CEP131: variants seen among roughly 807,000 people sequenced by gnomAD.
The protein encoded by CEP131 is centrosomal protein of 131 kDa.
Under a neutral mutation model 136.8 loss-of-function variants are expected in CEP131, and 99 were observed. The ratio of observed to expected loss-of-function variants is 0.72; its 90% confidence interval spans 0.62 to 0.86. The LOEUF (loss-of-function observed/expected upper bound fraction) is 0.86, where lower values mean the gene tolerates loss of function less well. Among genes scored for constraint, CEP131 ranks in the 40% least tolerant of loss-of-function variants. The pLI is 0.00. For missense variants in CEP131, 1,459 were observed against 1,463.0 expected (o/e 1.00, Z 0.04); for synonymous variants, 646 against 612.7 (o/e 1.05, Z -0.80).
intron 18 of CEP131, among the ~76,000 whole-genome samples, chr17:81,193,642 T>A (rs577769260): frequency 6.6e-6 from 1 of 152,148 alleles, no homozygotes; most frequent in East Asian, 1.9e-4. Flanking sequence ...AAAGAGTGGA[T>A]GTCTGGTGGG....
chr17:81,194,451 C>T (rs1227324780), intron 17 of CEP131, among the ~76,000 whole-genome samples: 2 of 152,204 alleles, frequency 1.3e-5, no homozygotes, highest in African/African-American at 2.4e-5. Flanking sequence ...CCCAAGGGTC[C>T]GAGGCCCCTT....
In CEP131 at chr17:81,206,740, G is replaced by C. The variant is rs368709988; in HGVS notation, c.515+4C>G. ...CCCGTCGTGGGCACCTGCACAGGTC[G>C]TACCTGTTGTTAGCAGTGAAGTTGG... is the stretch of plus-strand genomic sequence containing the variant. On this transcript the variant is annotated splice_donor_region_variant and intron_variant, in intron 5 of 25. Coordinates refer to ENST00000450824, the MANE Select transcript of CEP131 (RefSeq NM_014984.4). 35 of 1,612,012 alleles carry C rather than the reference G, an allele frequency of 2.2e-5. No homozygotes were observed. Among genetic ancestry groups the C allele is most frequent in the Non-Finnish European group, 3.0e-5 (35 of 1,178,892 alleles).
rs1045851082 is a variant in CEP131, at chr17:81,215,077, A to G, written c.177+4803T>C. On this transcript the variant is annotated intron_variant, in intron 2 of 25. Transcript: ENST00000450824. This position sits in a 1 kb window ranked among gnomAD's most constrained non-coding sequence, Gnocchi z 4.1. The stretch of plus-strand genomic sequence containing the variant: ...CAGGCATGAGCCACCGCGCCTGGCC[A>G]AAAATTTACAATTTAGTTTTAATTT... 6.7e-6 allele frequency among the ~76,000 whole-genome samples: 1 copy of G among 149,166 alleles called. No homozygotes were observed. Among genetic ancestry groups the G allele is most frequent in the East Asian group, 2.0e-4 (1 of 5,048 alleles).
intron 6 of CEP131, among the ~76,000 whole-genome samples, 170 bp from the exon 7 acceptor site, chr17:81,202,568 G>A (rs944665698): frequency 1.1e-4 from 17 of 152,302 alleles, no homozygotes; most frequent in East Asian, 5.8e-4. Context: ...CGGCTCTCCC[G>A]TGCCACATCC....
Position 81,192,326 on chromosome 17 carries a change from TGGTGCGG to T in CEP131, c.2607_2613del (p.Arg870GlyfsTer8). 3 of 1,556,286 alleles carry T rather than the reference TGGTGCGG, an allele frequency of 1.9e-6. No individual in the cohort carries two copies. The highest frequency in any genetic ancestry group is 2.1e-4 in the Middle Eastern group (1 of 4,662). ...GGTGCCCAGGCCCCCACCTCCTTCC[TGGTGCGG>T]CCGGCCTCCCACGCCTGCCTCTCCA... On this transcript the variant is annotated frameshift_variant, in exon 21 of 26. Coordinates refer to ENST00000450824, the MANE Select transcript of CEP131 (RefSeq NM_014984.4). LOFTEE classifies it high-confidence loss of function.
chr17:81,192,938 A>C, intron 18 of CEP131, 95 bp from the exon 19 acceptor site: 1 of 1,497,672 alleles, frequency 6.7e-7, no homozygotes, highest in Non-Finnish European at 8.9e-7. Flanking sequence ...GGCCTGACTC[A>C]CAGCTGGAGA....
At position 81,217,944 on chromosome 17, in the gene CEP131, G is replaced by A. The variant is rs571133691; in HGVS notation, c.177+1936C>T. On this transcript the variant is annotated intron_variant, in intron 2 of 25. Coordinates refer to ENST00000450824, the MANE Select transcript of CEP131 (RefSeq NM_014984.4). ...CGAAAGACCATCTACTAGAAAGCCC[G>A]GAAACTTTTACAACAGTCTCCACAC... is the stretch of plus-strand genomic sequence containing the variant. Among the ~76,000 whole-genome samples, 185 of 152,234 alleles carry A rather than the reference G, an allele frequency of 1.2e-3. 2 individuals carry two copies. Among genetic ancestry groups the A allele is most frequent in the African/African-American group, 4.1e-3 (172 of 41,520 alleles).
In CEP131 at chr17:81,219,883, C is replaced by G. The variant is rs746054128; in HGVS notation, c.174G>C (p.Val58=). The G allele has an allele frequency of 6.2e-7, 1 of 1,603,882 alleles. No homozygotes were observed. ...ACTCCTAGGCCACAGTACTCACCAG[C>G]ACCTTCCTCTTCTGCTCGCTGCCTG... is the stretch of plus-strand genomic sequence containing the variant. The part of the protein sequence containing the change: ...VVTGSEQKRK[V]LEATGPGGSQ... The change falls in exon 2 of 26, where the codon GTG becomes GTC. Residue 58 remains valine, a synonymous_variant. Transcript: ENST00000450824. The surrounding 1 kb of genome is among the most constrained non-coding windows in gnomAD (Gnocchi z 4.0).
intron 16 of CEP131, among the ~76,000 whole-genome samples, chr17:81,195,333 G>A (rs564787395): frequency 8.5e-5 from 13 of 152,348 alleles, no homozygotes; most frequent in Admixed American, 1.3e-4. Context: ...GTCACGTGCA[G>A]GGATTTTAAA....
At chr17:81,192,079 G>A (rs1185747045) in intron 21 of CEP131, among the ~76,000 whole-genome samples, 2 of 152,068 alleles carry the variant, frequency 1.3e-5, no homozygotes, top group Admixed American at 1.3e-4. Context: ...GCCTGTTCTC[G>A]GACCACAGAG....
Position 81,192,610 on chromosome 17 carries a change from G to T in CEP131, c.2430-17C>A. Reference sequence around the variant, plus strand: ...GCCCGCTGCCTGCGGCCAGGGAGGAGTCAGCAGGTGAGGGGTCATCGAGTA... The same window carrying T: ...GCCCGCTGCCTGCGGCCAGGGAGGATTCAGCAGGTGAGGGGTCATCGAGTA... On this transcript the variant is annotated splice_polypyrimidine_tract_variant and intron_variant, in intron 19 of 25. Transcript: ENST00000450824. 6.3e-7 allele frequency: 1 copy of T among 1,595,952 alleles called. No homozygotes were observed.
At chr17:81,201,986 A>T (rs2061900827) in intron 7 of CEP131, among the ~76,000 whole-genome samples, 1 of 152,054 alleles carries the variant, frequency 6.6e-6, no homozygotes, top group Non-Finnish European at 1.5e-5. Context: ...CTGTAGTCCC[A>T]GCTACTCGGG....
chr17:81,190,429 C>T (rs1411755034), intron 24 of CEP131, among the ~76,000 whole-genome samples: 1 of 152,168 alleles, frequency 6.6e-6, no homozygotes, highest in Non-Finnish European at 1.5e-5. Context: ...CAGGGATGGC[C>T]GACACCCTAG....
chr17:81,217,030 C>T (rs1024459181), intron 2 of CEP131, among the ~76,000 whole-genome samples: 2 of 152,276 alleles, frequency 1.3e-5, no homozygotes, highest in African/African-American at 4.8e-5. Context: ...GGCAACATCG[C>T]CCAGGGAGGG....
At position 81,215,071 on chromosome 17, in the gene CEP131, C is replaced by T. The variant is rs1353082347; in HGVS notation, c.177+4809G>A. 6.6e-6 allele frequency among the ~76,000 whole-genome samples: 1 copy of T among 151,858 alleles called. No homozygotes were observed. Among genetic ancestry groups the T allele is most frequent in the East Asian group, 1.9e-4 (1 of 5,186 alleles). ...GGATTACAGGCATGAGCCACCGCGC[C>T]TGGCCAAAAATTTACAATTTAGTTT... On this transcript the variant is annotated intron_variant, in intron 2 of 25. Transcript: ENST00000450824. The surrounding 1 kb of genome is among the most constrained non-coding windows in gnomAD (Gnocchi z 4.1).
At position 81,219,832 on chromosome 17, in the gene CEP131, C is replaced by A. The variant is rs374817102; in HGVS notation, c.177+48G>T. On this transcript the variant is annotated intron_variant, in intron 2 of 25. Coordinates refer to ENST00000450824, the MANE Select transcript of CEP131 (RefSeq NM_014984.4). The surrounding 1 kb of genome is among the most constrained non-coding windows in gnomAD (Gnocchi z 4.0). ...CAGGGGTCAGATGCCAACTGAACAA[C>A]AGCCCTCCAGGAGGCAGGGGCCCGG... is the stretch of plus-strand genomic sequence containing the variant. The A allele has an allele frequency of 2.0e-6, 3 of 1,492,186 alleles. No individual in the cohort carries two copies. Among genetic ancestry groups the A allele is most frequent in the East Asian group, 2.5e-5 (1 of 39,544 alleles). The allele number at this position is 1,492,186 out of a possible 1,614,324, so 92.4% of individuals were successfully genotyped here. A position where few individuals can be genotyped will look rare whatever the true frequency, so the allele number is the denominator to read the frequency against.
chr17:81,202,596 G>A (rs1383276790), intron 6 of CEP131, among the ~76,000 whole-genome samples, 198 bp from the exon 7 acceptor site: 1 of 152,182 alleles, frequency 6.6e-6, no homozygotes, highest in East Asian at 1.9e-4. Flanking sequence ...TGGACCACCT[G>A]TGCCCTGACA....
At chr17:81,191,392 G>A (rs1450986695) in intron 21 of CEP131, 57 bp from the exon 22 acceptor site, 42 of 1,598,128 alleles carry the variant, frequency 2.6e-5, no homozygotes, top group Non-Finnish European at 3.6e-5. Context: ...GCGGGGCCAG[G>A]GCCAGCCTCA....
rs966132109 is a variant in CEP131 at position 81,203,204 on chromosome 17, C to T, written c.629+290G>A. 5.3e-5 allele frequency among the ~76,000 whole-genome samples: 8 copies of T among 152,186 alleles called. No homozygotes were observed. Among genetic ancestry groups the T allele is most frequent in the African/African-American group, 1.9e-4 (8 of 41,450 alleles). On this transcript the variant is annotated intron_variant, in intron 6 of 25. Transcript: ENST00000450824. The surrounding 1 kb of genome is among the most constrained non-coding windows in gnomAD (Gnocchi z 4.6). ...GTGAGCCCCAGACCTCACTGTGCCA[C>T]ATCTGGGCTGTTTTCTCTCTGTGGG... is the stretch of plus-strand genomic sequence containing the variant.
Sources: allele counts gnomAD v4.1 joint callset (sites outside exome capture counted in the v4.1 genomes callset), GRCh38; gene constraint gnomAD v4.1.1; non-coding constraint Gnocchi (gnomAD v3.1); transcripts MANE v1.5; gene names NCBI Gene and HGNC (gene_info 2026-07-23, HGNC 2026-07-21).